The following RIT2 variants were observed in gnomAD, a reference collection of about 807,000 sequenced individuals.
The protein encoded by RIT2 is Ras like without CAAX 2.
In RIT2, 24 loss-of-function variants were observed where a neutral mutation model predicts 23.7. That is an observed-to-expected ratio of 1.01 (90% CI 0.73 to 1.43). The LOEUF (loss-of-function observed/expected upper bound fraction) is 1.43. Ranked by LOEUF, RIT2 falls within the 40% of genes most tolerant of loss-of-function variation. RIT2 has a pLI of 0.00. For missense variants in RIT2, 236 were observed against 266.9 expected (o/e 0.88, Z 0.81); for synonymous variants, 107 against 91.1 (o/e 1.17, Z -0.99).
chr18:43,018,458 C>G (rs1264285016), intron 2 of RIT2, among the ~76,000 whole-genome samples: 1 of 151,544 alleles, frequency 6.6e-6, no homozygotes, highest in Admixed American at 6.6e-5. Flanking sequence ...AAAATACATA[C>G]CATTAAAACA....
intron 1 of RIT2, among the ~76,000 whole-genome samples, chr18:43,090,525 A>T (rs1913397941): frequency 6.6e-6 from 1 of 152,102 alleles, no homozygotes; most frequent in African/African-American, 2.4e-5. Context: ...TTGGTTATAT[A>T]CCCAAAGGAA....
At chr18:42,840,385 T>G (rs1906730734) in intron 4 of RIT2, among the ~76,000 whole-genome samples, 2 of 152,246 alleles carry the variant, frequency 1.3e-5, no homozygotes, top group African/African-American at 4.8e-5. Context: ...ATGCCATATT[T>G]ACTATATGCC....
chr18:42,966,675 A>G (rs561370140), intron 3 of RIT2, among the ~76,000 whole-genome samples: 330 of 152,260 alleles, frequency 2.2e-3, no homozygotes, highest in Non-Finnish European at 3.9e-3. Context: ...ATTTCTCAAT[A>G]TGTACAAAAA....
intron 4 of RIT2, among the ~76,000 whole-genome samples, chr18:42,877,878 G>A (rs79493067): frequency 0.1 from 15,804 of 151,720 alleles, 949 homozygotes; most frequent in Middle Eastern, 0.24. Context: ...TTTTGGAAAT[G>A]TATATTCAGG....
intron 4 of RIT2, among the ~76,000 whole-genome samples, chr18:42,864,766 A>G (rs955060476): frequency 3.9e-5 from 6 of 152,154 alleles, no homozygotes; most frequent in Admixed American, 2.0e-4. Flanking sequence ...TTCAACCCAC[A>G]AGCTTAACAA....
At chr18:42,840,875 A>G (rs1285712507) in intron 4 of RIT2, among the ~76,000 whole-genome samples, 1 of 152,170 alleles carries the variant, frequency 6.6e-6, no homozygotes, top group African/African-American at 2.4e-5. Flanking sequence ...ACATTCAGCA[A>G]TTTGCTTGAA....
At chr18:42,755,859 G>T (rs1333916361) in intron 4 of RIT2, among the ~76,000 whole-genome samples, 1 of 152,126 alleles carries the variant, frequency 6.6e-6, no homozygotes, top group African/African-American at 2.4e-5. Flanking sequence ...CAGCACTGTG[G>T]TGGCATTTAC....
chr18:42,751,365 T>G (rs1292613144), intron 4 of RIT2, among the ~76,000 whole-genome samples: 1 of 151,904 alleles, frequency 6.6e-6, no homozygotes, highest in Non-Finnish European at 1.5e-5. Context: ...TAGATATATA[T>G]ATGCATATTT....
intron 4 of RIT2, among the ~76,000 whole-genome samples, chr18:42,846,629 TA>T (rs1906916590): frequency 6.6e-6 from 1 of 152,036 alleles, no homozygotes; most frequent in South Asian, 2.1e-4. Flanking sequence ...AAATTTGGTT[TA>T]ATATTCAACA....
intron 4 of RIT2, among the ~76,000 whole-genome samples, chr18:42,797,143 A>C (rs1472349765): frequency 6.6e-6 from 1 of 152,170 alleles, no homozygotes; most frequent in African/African-American, 2.4e-5. Context: ...AGGAGACCAT[A>C]AATATTAGTC....
intron 3 of RIT2, among the ~76,000 whole-genome samples, chr18:42,939,551 T>C (rs1299369570): frequency 6.6e-6 from 1 of 152,178 alleles, no homozygotes; most frequent in Non-Finnish European, 1.5e-5. Context: ...GAAGAAATTC[T>C]ACTTATCTCC....
At chr18:42,866,059 T>G (rs1232027881) in intron 4 of RIT2, among the ~76,000 whole-genome samples, 1 of 152,182 alleles carries the variant, frequency 6.6e-6, no homozygotes, top group Admixed American at 6.5e-5. Flanking sequence ...CTATTTCTTT[T>G]GTGTAAAGCC....
At chr18:42,904,416 G>T (rs967875635) in intron 4 of RIT2, among the ~76,000 whole-genome samples, 1 of 152,138 alleles carries the variant, frequency 6.6e-6, no homozygotes, top group Middle Eastern at 3.2e-3. Flanking sequence ...TAAGCTACTG[G>T]ATCTTTGGGA....
At chr18:42,881,111 C>A (rs1367404837) in intron 4 of RIT2, among the ~76,000 whole-genome samples, 1 of 152,024 alleles carries the variant, frequency 6.6e-6, no homozygotes, top group Non-Finnish European at 1.5e-5. Context: ...CACCCATCTT[C>A]CTACCTCTTT....
At chr18:43,054,955 G>GTTTTCAATT (rs1476376641) in intron 1 of RIT2, among the ~76,000 whole-genome samples, 18 of 151,988 alleles carry the variant, frequency 1.2e-4, no homozygotes, top group Non-Finnish European at 1.5e-5. Context: ...CTACACTTGA[G>GTTTTCAATT]TTTTCAATTA....
At chr18:42,762,824 T>C (rs1233584482) in intron 4 of RIT2, among the ~76,000 whole-genome samples, 1 of 152,210 alleles carries the variant, frequency 6.6e-6, no homozygotes, top group East Asian at 1.9e-4. Context: ...ATGCAGTATA[T>C]ATGTAACTAG....
intron 3 of RIT2, among the ~76,000 whole-genome samples, chr18:42,971,719 T>TA (rs1910364685): frequency 6.6e-6 from 1 of 151,960 alleles, no homozygotes; most frequent in African/African-American, 2.4e-5. Context: ...GGGTTGGGTT[T>TA]AGGTCTTTTC....
intron 4 of RIT2, among the ~76,000 whole-genome samples, chr18:42,809,696 A>T (rs1311999538): frequency 2.6e-5 from 4 of 151,350 alleles, no homozygotes; most frequent in African/African-American, 9.7e-5. Flanking sequence ...AGTTTACAGT[A>T]ATCTATTACA....
chr18:43,079,673 T>C (rs1913108680), intron 1 of RIT2, among the ~76,000 whole-genome samples: 1 of 152,088 alleles, frequency 6.6e-6, no homozygotes. Flanking sequence ...GTCAGTGTCA[T>C]TTTTCCATTT....
Sources: gnomAD v4.1 joint callset for allele counts (sites outside exome capture counted in the v4.1 genomes callset) on GRCh38, gnomAD v4.1.1 for gene constraint, MANE v1.5 for transcripts, NCBI Gene and HGNC (gene_info 2026-07-23, HGNC 2026-07-21) for gene names.